Variants in EPB42 observed in about 807,000 individuals in gnomAD.
The protein encoded by EPB42 is erythrocyte membrane protein band 4.2, also known as protein 4.2.
Under a neutral mutation model 76.9 loss-of-function variants are expected in EPB42, and 49 were observed. The ratio of observed to expected loss-of-function variants is 0.64; its 90% CI spans 0.51 to 0.81. The LOEUF (loss-of-function observed/expected upper bound fraction) is 0.81, where lower values mean the gene tolerates loss of function less well. Among genes scored for constraint, EPB42 ranks in the 30% least tolerant of loss-of-function variants. EPB42 has a pLI of 0.00. For missense variants in EPB42, 731 were observed against 867.6 expected (o/e 0.84, Z 1.98); for synonymous variants, 310 against 338.4 (o/e 0.92, Z 0.92).
chr15:43,213,771 C>G lies in EPB42; in HGVS notation c.430+1324G>C, dbSNP rs537443170. Among the ~76,000 whole-genome samples, 9 of 152,360 alleles carry G rather than the reference C, an allele frequency of 5.9e-5. No individual in the cohort carries two copies. In the South Asian group the frequency reaches 1.9e-3, roughly 32 times the overall value. ...ACCACGTGGGGCACCTGGATGAATACTAGCTCCCATCTGCTGATCCACCTG... is the reference window on the plus strand; with the variant it reads ...ACCACGTGGGGCACCTGGATGAATAGTAGCTCCCATCTGCTGATCCACCTG... On this transcript the variant is annotated intron_variant, in intron 3 of 12. Coordinates refer to ENST00000441366, the MANE Select transcript of EPB42 (RefSeq NM_001114134.2).
rs144993665 is a variant in EPB42, at chr15:43,207,299, C to T, written c.1218G>A (p.Leu406=). 4 of 1,614,062 alleles carry T rather than the reference C, an allele frequency of 2.5e-6. No homozygotes were observed. The African/African-American group carries it at 5.3e-5, about 22-fold the overall frequency. ...CAACATACTTTGTGTTGGAGTCAGT[C>T]AACTCCAGTGTCCCATCCTCACAGC... ...WKCCEDGTLE[L]TDSNTKYVGN... is the part of the protein sequence containing the mutation. The change falls in exon 9 of 13, where the codon TTG becomes TTA. Residue 406 remains leucine (L), a synonymous_variant. Transcript: ENST00000441366.
intron 3 of EPB42, 39 bp from the exon 4 acceptor site, chr15:43,211,573 C>A: frequency 7.5e-7 from 1 of 1,329,636 alleles, no homozygotes; most frequent in South Asian, 1.2e-5. Flanking sequence ...CTGTGGGGGT[C>A]CTAGGTCCAC....
rs1257328631 is a variant in EPB42, at chr15:43,209,259, G to A, written c.832+15C>T. ...CCAGGAGGCAGGGCACTCTACAGGA[G>A]ACAAGGGGACCAACCTGTGCAAGCA... On this transcript the variant is annotated intron_variant, in intron 6 of 12. Coordinates refer to ENST00000441366, the MANE Select transcript of EPB42 (RefSeq NM_001114134.2). 6.2e-7 allele frequency: 1 copy of A among 1,613,812 alleles called. No individual in the cohort carries two copies. The highest frequency in any genetic ancestry group is 1.7e-5 in the Admixed American group (1 of 59,998).
chr15:43,214,707 C>A (rs1280463547), intron 3 of EPB42, among the ~76,000 whole-genome samples: 2 of 152,130 alleles, frequency 1.3e-5, no homozygotes, highest in African/African-American at 4.8e-5. Flanking sequence ...AGAAGCCCAT[C>A]CTCAGGCCAC....
At position 43,203,539 on chromosome 15, in the gene EPB42, T is replaced by A. The variant is rs74009289; in HGVS notation, c.1619-264A>T. Among the ~76,000 whole-genome samples the A allele has an allele frequency of 0.026, 3,970 of 152,286 alleles. 168 individuals carry two copies. The highest frequency in any genetic ancestry group is 0.089 in the African/African-American group (3,700 of 41,536). On this transcript the variant is annotated intron_variant, in intron 10 of 12. Transcript: ENST00000441366. ...TGTGAACTGGAACAAGTTAAGCTCT[T>A]TCGGCCTCAGTGTCCTTGTCTAATA...
At chr15:43,207,045 C>G (rs940411699) in intron 9 of EPB42, among the ~76,000 whole-genome samples, 154 bp downstream of exon 9, 1 of 152,132 alleles carries the variant, frequency 6.6e-6, no homozygotes, top group African/African-American at 2.4e-5. Context: ...TATCTGGGCC[C>G]AAATGTCAAT....
chr15:43,222,700 A>G (rs1322472859), upstream of EPB42, among the ~76,000 whole-genome samples: 2 of 152,234 alleles, frequency 1.3e-5, no homozygotes, highest in Admixed American at 1.3e-4. Context: ...AAGTCCATAG[A>G]TCAAAATACA....
At chr15:43,210,672 C>CTGTTGTCTGACTCCCGGTAGGG (rs2042281374) in intron 4 of EPB42, among the ~76,000 whole-genome samples, 3 of 152,188 alleles carry the variant, frequency 2.0e-5, no homozygotes, top group Non-Finnish European at 2.9e-5. Flanking sequence ...CTTTGCCTAT[C>CTGTTGTCTGACTCCCGGTAGGG]TGTTGTCTGA....
At chr15:43,198,879 C>T (rs1010705401) in intron 12 of EPB42, among the ~76,000 whole-genome samples, 3 of 152,230 alleles carry the variant, frequency 2.0e-5, no homozygotes, top group Non-Finnish European at 2.9e-5. Context: ...GGCCAACATA[C>T]CGCTTGGGCT....
At chr15:43,215,936 C>T (rs1237553208) in intron 2 of EPB42, among the ~76,000 whole-genome samples, 17 of 152,236 alleles carry the variant, frequency 1.1e-4, no homozygotes, top group Non-Finnish European at 2.5e-4. Context: ...AGGTAATCCA[C>T]CCGCCTCGGC....
upstream of EPB42, among the ~76,000 whole-genome samples, chr15:43,222,447 A>C (rs988694357): frequency 2.6e-5 from 4 of 152,254 alleles, no homozygotes; most frequent in African/African-American, 7.2e-5. Flanking sequence ...AGGGACACCA[A>C]ATAAGACTTG....
rs548832468 is a variant in EPB42, at chr15:43,212,965, G to C, written c.431-1431C>G. On this transcript the variant is annotated intron_variant, in intron 3 of 12. Transcript: ENST00000441366. Reference sequence around the variant, plus strand: ...CTGGAGCCCTCCAGGGATCCATCTGGGGATGAGGGTCCTGAAGGCAACAGA... The same window carrying C: ...CTGGAGCCCTCCAGGGATCCATCTGCGGATGAGGGTCCTGAAGGCAACAGA... 3.3e-5 allele frequency among the ~76,000 whole-genome samples: 5 copies of C among 152,170 alleles called. 1 individual carries two copies. Among genetic ancestry groups the C allele is most frequent in the African/African-American group, 1.2e-4 (5 of 41,518 alleles).
upstream of EPB42, among the ~76,000 whole-genome samples, chr15:43,225,091 T>G (rs1422378793): frequency 1.3e-5 from 2 of 152,152 alleles, no homozygotes; most frequent in African/African-American, 2.4e-5. Flanking sequence ...TATTGTTAAG[T>G]GGAATAAGCA....
At position 43,210,405 on chromosome 15, in the gene EPB42, A is replaced by C; in HGVS notation, c.584T>G (p.Leu195Trp). ...CTCTACCTGCTTGTCCTTGCTCAGC[A>C]AGCGCAGGCTGAGGTCAATGACATC... ...EGDVIDLSLR[L>W]LSKDKQVEKW... The change falls in exon 5 of 13, where the codon TTG (leucine) becomes TGG (tryptophan). Residue 195 changes from leucine (L) to tryptophan (W), a missense_variant. Coordinates refer to ENST00000441366, the MANE Select transcript of EPB42 (RefSeq NM_001114134.2). The C allele has an allele frequency of 6.2e-7, 1 of 1,613,898 alleles. No individual in the cohort carries two copies. Among genetic ancestry groups the C allele is most frequent in the Non-Finnish European group, 8.5e-7 (1 of 1,179,974 alleles).
intron 12 of EPB42, among the ~76,000 whole-genome samples, chr15:43,200,817 A>ATT (rs34556953): frequency 0.016 from 2,309 of 143,632 alleles, 51 homozygotes; most frequent in African/African-American, 0.052. Flanking sequence ...ACTCCACCAA[A>ATT]TTTTTTTTTT....
Position 43,206,773 on chromosome 15 carries a change from A to C in EPB42, c.1319-144T>G, listed in dbSNP as rs2042211485. On this transcript the variant is annotated intron_variant, in intron 9 of 12. Transcript: ENST00000441366. This position sits in a 1 kb window ranked among gnomAD's most constrained non-coding sequence, Gnocchi z 4.7. ...TCAGCAAGCCTCTAAGGCCATATTT[A>C]GCCCAAAAATGTCTGTGTCAGGCAG... The C allele has an allele frequency of 1.0e-6, 1 of 1,001,680 alleles. No individual in the cohort carries two copies. The highest frequency in any genetic ancestry group is 1.6e-5 in the African/African-American group (1 of 62,260). The allele number at this position is 1,001,680 out of a possible 1,614,324, so 62.0% of individuals were successfully genotyped here. A position where few individuals can be genotyped will look rare whatever the true frequency, so the allele number is the denominator to read the frequency against.
At chr15:43,208,438 G>A in intron 7 of EPB42, 105 bp from the exon 8 acceptor site, 1 of 1,411,750 alleles carries the variant, frequency 7.1e-7, no homozygotes, top group East Asian at 2.3e-5. Context: ...TGGGATGGGA[G>A]GTCACTGTGT....
At chr15:43,213,359 G>C (rs1216303793) in intron 3 of EPB42, among the ~76,000 whole-genome samples, 4 of 152,144 alleles carry the variant, frequency 2.6e-5, no homozygotes, top group Non-Finnish European at 5.9e-5. Context: ...AGCATGGCAA[G>C]ATGACACTGA....
At chr15:43,212,369 CAAA>C (rs35031544) in intron 3 of EPB42, among the ~76,000 whole-genome samples, 7 of 86,890 alleles carry the variant, frequency 8.1e-5, no homozygotes, top group Non-Finnish European at 9.4e-5. Flanking sequence ...AACTCCGTCT[CAAA>C]AAAAAAAAAA....
Sources: allele counts gnomAD v4.1 joint callset (sites outside exome capture counted in the v4.1 genomes callset), GRCh38; gene constraint gnomAD v4.1.1; non-coding constraint Gnocchi (gnomAD v3.1); transcripts MANE v1.5; gene names NCBI Gene and HGNC (gene_info 2026-07-23, HGNC 2026-07-21).